Variants in IGSF21 observed in about 807,000 individuals in gnomAD.
IGSF21 encodes the protein immunoglobulin superfamily member 21.
IGSF21 carries 28 observed loss-of-function variants against 46.8 expected under a neutral mutation model. That is an observed-to-expected ratio of 0.60 (90% CI 0.44 to 0.82). The LOEUF (loss-of-function observed/expected upper bound fraction) is 0.82, where lower values mean the gene tolerates loss of function less well. Ranked by LOEUF, IGSF21 falls within the 40% of genes least tolerant of loss-of-function variation. The probability of loss-of-function intolerance (pLI) is 0.00; values close to 1 mark genes in which losing one functional copy is unlikely to be tolerated. For missense variants in IGSF21, 624 were observed against 665.5 expected, an observed-to-expected ratio of 0.94 and a Z score of 0.69; for synonymous variants, 284 against 273.6, an observed-to-expected ratio of 1.04 and a Z score of -0.38.
At chr1:18,194,506 G>A (rs921003888) in intron 1 of IGSF21, among the ~76,000 whole-genome samples, 134 of 152,284 alleles carry the variant, frequency 8.8e-4, no homozygotes, top group African/African-American at 3.1e-3. Flanking sequence ...GCTTCTGGTG[G>A]TTGCCAGAAA....
At chr1:18,183,425 A>T (rs1475262846) in intron 1 of IGSF21, among the ~76,000 whole-genome samples, 1 of 152,208 alleles carries the variant, frequency 6.6e-6, no homozygotes. Flanking sequence ...AGTAGATAGG[A>T]TATATGGCAG....
At chr1:18,187,562 G>A (rs1296212805) in intron 1 of IGSF21, among the ~76,000 whole-genome samples, 1 of 152,058 alleles carries the variant, frequency 6.6e-6, no homozygotes, top group South Asian at 2.1e-4. Flanking sequence ...GAACAGTATG[G>A]GGGAAACCAC....
At chr1:18,147,093 G>A (rs1049829378) in intron 1 of IGSF21, among the ~76,000 whole-genome samples, 19 of 152,130 alleles carry the variant, frequency 1.2e-4, no homozygotes, top group Admixed American at 9.2e-4. Context: ...AGGCCACCAC[G>A]TGTCCACGCC....
chr1:18,292,073 A>G (rs2085273316), intron 3 of IGSF21, 86 bp downstream of exon 3: 1 of 1,376,640 alleles, frequency 7.3e-7, no homozygotes, highest in African/African-American at 1.4e-5. Flanking sequence ...CAGCCCTTTC[A>G]CATCAATCCC....
At chr1:18,292,211 C>G (rs2085274510) in intron 3 of IGSF21, among the ~76,000 whole-genome samples, 1 of 152,246 alleles carries the variant, frequency 6.6e-6, no homozygotes, top group Non-Finnish European at 1.5e-5. Context: ...TCTGACTGGC[C>G]TCCTCTGCCA....
intron 4 of IGSF21, among the ~76,000 whole-genome samples, chr1:18,360,496 A>G (rs1482024144): frequency 2.0e-5 from 3 of 152,170 alleles, no homozygotes; most frequent in Non-Finnish European, 4.4e-5. Context: ...ACCTCCTGGC[A>G]GCACCTGGCA....
intron 2 of IGSF21, among the ~76,000 whole-genome samples, chr1:18,236,407 A>G (rs1335524390): frequency 6.6e-6 from 1 of 152,200 alleles, no homozygotes; most frequent in East Asian, 1.9e-4. Context: ...CCTTTTATAA[A>G]TTACCCAGTC....
chr1:18,152,262 A>T (rs548495067), intron 1 of IGSF21, among the ~76,000 whole-genome samples: 4 of 152,352 alleles, frequency 2.6e-5, no homozygotes, highest in African/African-American at 9.6e-5. Context: ...GTGATGTCCA[A>T]GGACTCCAGA....
At chr1:18,190,196 G>A (rs895387049) in intron 1 of IGSF21, among the ~76,000 whole-genome samples, 6 of 152,196 alleles carry the variant, frequency 3.9e-5, no homozygotes, top group African/African-American at 1.2e-4. Context: ...CTCAATTCAG[G>A]GAAAGCTGGT....
intron 6 of IGSF21, among the ~76,000 whole-genome samples, chr1:18,375,318 T>C (rs72940703): frequency 0.012 from 1,855 of 152,288 alleles, 37 homozygotes; most frequent in African/African-American, 0.042. Flanking sequence ...AGTGAGTGAA[T>C]GAATGAATCT....
chr1:18,114,969 G>A (rs1260850138), intron 1 of IGSF21: 1 of 152,554 alleles, frequency 6.6e-6, no homozygotes, highest in Non-Finnish European at 1.5e-5. Context: ...CTTTGCTGCT[G>A]TGACTTCCTC....
intron 1 of IGSF21, among the ~76,000 whole-genome samples, chr1:18,194,893 C>T (rs796241866): frequency 5.3e-5 from 8 of 152,250 alleles, no homozygotes; most frequent in Admixed American, 1.3e-4. Flanking sequence ...TTCACATGGC[C>T]GAGGAGGCCT....
chr1:18,267,890 A>G (rs1210436246), intron 2 of IGSF21, among the ~76,000 whole-genome samples: 1 of 152,258 alleles, frequency 6.6e-6, no homozygotes, highest in Non-Finnish European at 1.5e-5. Context: ...ATTGTCTGCA[A>G]TAACAGACTG....
chr1:18,190,535 T>G (rs553096781), intron 1 of IGSF21, among the ~76,000 whole-genome samples: 2 of 152,280 alleles, frequency 1.3e-5, no homozygotes, highest in South Asian at 2.1e-4. Context: ...AGAGAAGGGA[T>G]TCTTCACCTC....
At chr1:18,297,820 T>G (rs1481215594) in intron 3 of IGSF21, among the ~76,000 whole-genome samples, 1 of 152,204 alleles carries the variant, frequency 6.6e-6, no homozygotes, top group Non-Finnish European at 1.5e-5. Context: ...ATTATTATTT[T>G]TTTTCTCTGA....
At chr1:18,343,635 G>A (rs563163588) in intron 4 of IGSF21, among the ~76,000 whole-genome samples, 1 of 152,284 alleles carries the variant, frequency 6.6e-6, no homozygotes, top group African/African-American at 2.4e-5. Context: ...GTGTGAGGGA[G>A]GGGTCCAACT....
chr1:18,277,381 G>A (rs1213664835), intron 2 of IGSF21, among the ~76,000 whole-genome samples: 1 of 152,166 alleles, frequency 6.6e-6, no homozygotes, highest in Non-Finnish European at 1.5e-5. Context: ...GATGCTCTGT[G>A]CCTGCGTGGG....
At chr1:18,298,542 G>A (rs899453610) in intron 3 of IGSF21, among the ~76,000 whole-genome samples, 5 of 152,200 alleles carry the variant, frequency 3.3e-5, no homozygotes, top group African/African-American at 7.2e-5. Flanking sequence ...ACAGCTGGGC[G>A]GGGCAGGGTG....
chr1:18,330,761 A>T (rs1232261909), intron 3 of IGSF21, among the ~76,000 whole-genome samples: 2 of 152,188 alleles, frequency 1.3e-5, no homozygotes, highest in African/African-American at 4.8e-5. Context: ...TCTTTTTGCC[A>T]TTTTTTATTG....
Sources: allele counts gnomAD v4.1 joint callset (sites outside exome capture counted in the v4.1 genomes callset), GRCh38; gene constraint gnomAD v4.1.1; transcripts MANE v1.5; gene names NCBI Gene and HGNC (gene_info 2026-07-23, HGNC 2026-07-21).